The following LRMDA variants were observed in gnomAD, a reference collection of about 807,000 sequenced individuals.
LRMDA encodes the protein leucine-rich melanocyte differentiation-associated protein.
LRMDA carries 18 observed loss-of-function variants against 29.8 expected under a neutral mutation model. The observed-to-expected ratio is 0.60, with a 90% CI of 0.42 to 0.90. The LOEUF is 0.90. Among genes scored for constraint, LRMDA ranks in the 40% least tolerant of loss-of-function variants. The probability of loss-of-function intolerance (pLI) is 0.00; values close to 1 mark genes in which losing one functional copy is unlikely to be tolerated. For missense variants in LRMDA, 273 were observed against 273.9 expected (o/e 1.00, Z 0.02); for synonymous variants, 125 against 109.4 (o/e 1.14, Z -0.89).
intron 2 of LRMDA, among the ~76,000 whole-genome samples, chr10:75,735,877 A>T (rs1182533223): frequency 6.6e-6 from 1 of 152,184 alleles, no homozygotes; most frequent in Non-Finnish European, 1.5e-5. Flanking sequence ...AGAGAGTCAG[A>T]CACACACTGT....
chr10:75,495,495 G>A (rs539524284), intron 2 of LRMDA, among the ~76,000 whole-genome samples: 60 of 152,244 alleles, frequency 3.9e-4, no homozygotes, highest in Admixed American at 3.0e-3. Context: ...AAGGCCTGCC[G>A]TACAGAGGAA....
At chr10:75,811,415 G>A (rs920593012) in intron 2 of LRMDA, among the ~76,000 whole-genome samples, 2 of 151,970 alleles carry the variant, frequency 1.3e-5, no homozygotes, top group Admixed American at 1.3e-4. Context: ...ATAGGATTTT[G>A]ACATTTTAGG....
chr10:75,442,628 C>T (rs1036290231), intron 2 of LRMDA, among the ~76,000 whole-genome samples: 11 of 151,996 alleles, frequency 7.2e-5, no homozygotes, highest in Admixed American at 3.9e-4. Context: ...GTTTTTATGT[C>T]GGTATGTATT....
At chr10:75,984,065 C>T (rs1183778804) in intron 2 of LRMDA, among the ~76,000 whole-genome samples, 1 of 152,182 alleles carries the variant, frequency 6.6e-6, no homozygotes, top group African/African-American at 2.4e-5. Context: ...AGGGAAGGAA[C>T]TAGCCGTGCA....
chr10:75,661,321 A>G (rs528877441), intron 2 of LRMDA, among the ~76,000 whole-genome samples: 19 of 152,320 alleles, frequency 1.2e-4, no homozygotes, highest in African/African-American at 4.6e-4. Context: ...CAGAGAAGAT[A>G]CTATTTCTTG....
At chr10:75,968,775 G>T (rs1445423189) in intron 2 of LRMDA, among the ~76,000 whole-genome samples, 1 of 152,108 alleles carries the variant, frequency 6.6e-6, no homozygotes, top group East Asian at 1.9e-4. Flanking sequence ...TCTTTTGGAG[G>T]GTGAATTAGA....
Position 76,090,765 on chromosome 10 carries a change from A to G in LRMDA, c.516+31982A>G, listed in dbSNP as rs114226233. Among the ~76,000 whole-genome samples the G allele has an allele frequency of 4.2e-3, 637 of 152,332 alleles. 2 individuals carry two copies. The highest frequency in any genetic ancestry group is 0.015 in the African/African-American group (612 of 41,578). ...TTGAAGCCATTGTGCTAAGTGAAAT[A>G]AAACACTCACAAAAAGACAAATATG... On this transcript the variant is annotated intron_variant, in intron 5 of 6. Coordinates refer to ENST00000611255, the MANE Select transcript of LRMDA (RefSeq NM_001305581.2).
At chr10:76,040,502 G>C (rs1484527960) in intron 3 of LRMDA, among the ~76,000 whole-genome samples, 4 of 151,902 alleles carry the variant, frequency 2.6e-5, no homozygotes, top group Non-Finnish European at 5.9e-5. Flanking sequence ...TTCTTTCTTT[G>C]TTTCATTGAG....
intron 2 of LRMDA, among the ~76,000 whole-genome samples, chr10:75,715,063 A>G (rs1842483804): frequency 6.6e-6 from 1 of 152,054 alleles, no homozygotes; most frequent in Non-Finnish European, 1.5e-5. Context: ...CTCATGACTC[A>G]CTACACCTGT....
Position 76,081,882 on chromosome 10 carries a change from T to G in LRMDA, c.516+23099T>G, listed in dbSNP as rs1422885771. The stretch of plus-strand genomic sequence containing the variant: ...CATATATTAAACACTATCCCTTACT[T>G]TGTTGTATAGATTTCTGCTTTGATT... On this transcript the variant is annotated intron_variant, in intron 5 of 6. Coordinates refer to ENST00000611255, the MANE Select transcript of LRMDA (RefSeq NM_001305581.2). 2.6e-5 allele frequency among the ~76,000 whole-genome samples: 4 copies of G among 152,184 alleles called. No homozygotes were observed. In the South Asian group the frequency reaches 8.3e-4, roughly 32 times the overall value.
At chr10:76,027,869 T>C (rs1171411358) in intron 2 of LRMDA, among the ~76,000 whole-genome samples, 3 of 152,200 alleles carry the variant, frequency 2.0e-5, no homozygotes, top group Admixed American at 6.5e-5. Flanking sequence ...GCCTACAATA[T>C]TATTTTTAAT....
intron 2 of LRMDA, among the ~76,000 whole-genome samples, chr10:75,802,335 GCACACACA>G (rs10571839): frequency 1.4e-5 from 2 of 147,044 alleles, no homozygotes; most frequent in African/African-American, 5.1e-5. Context: ...ACACACACGC[GCACACACA>G]CACACACACA....
At chr10:75,741,484 C>T (rs1842829189) in intron 2 of LRMDA, among the ~76,000 whole-genome samples, 1 of 151,930 alleles carries the variant, frequency 6.6e-6, no homozygotes, top group Admixed American at 6.5e-5. Flanking sequence ...CCCAGATAAG[C>T]TCCATGTCTT....
At chr10:76,252,548 T>G (rs1208814649) in intron 5 of LRMDA, among the ~76,000 whole-genome samples, 1 of 152,228 alleles carries the variant, frequency 6.6e-6, no homozygotes, top group Non-Finnish European at 1.5e-5. Flanking sequence ...AAGAGACATA[T>G]TCAAGAGCAA....
At chr10:75,720,549 A>G (rs903416882) in intron 2 of LRMDA, among the ~76,000 whole-genome samples, 1 of 152,200 alleles carries the variant, frequency 6.6e-6, no homozygotes, top group Non-Finnish European at 1.5e-5. Context: ...TAGCGAGCTT[A>G]ACAGAGTAGT....
At chr10:76,250,203 G>A (rs978797391) in intron 5 of LRMDA, among the ~76,000 whole-genome samples, 1 of 152,152 alleles carries the variant, frequency 6.6e-6, no homozygotes, top group African/African-American at 2.4e-5. Flanking sequence ...GAGGGAAGGT[G>A]CACTGATTCC....
intron 5 of LRMDA, among the ~76,000 whole-genome samples, chr10:76,130,356 C>G (rs1250831817): frequency 6.6e-6 from 1 of 152,204 alleles, no homozygotes; most frequent in African/African-American, 2.4e-5. Flanking sequence ...CTGTTACTCT[C>G]AGTTACTCTT....
At chr10:76,463,062 T>C (rs563542456) in intron 6 of LRMDA, among the ~76,000 whole-genome samples, 1 of 152,156 alleles carries the variant, frequency 6.6e-6, no homozygotes, top group Non-Finnish European at 1.5e-5. Flanking sequence ...CCTTGGTTAG[T>C]CTGGTGGCAT....
intron 2 of LRMDA, among the ~76,000 whole-genome samples, chr10:75,859,187 C>A (rs1191729224): frequency 6.6e-6 from 1 of 152,066 alleles, no homozygotes; most frequent in East Asian, 1.9e-4. Context: ...TATTATGGGC[C>A]TTTTGTGCAT....
Sources: gnomAD v4.1 joint callset for allele counts (sites outside exome capture counted in the v4.1 genomes callset) on GRCh38, gnomAD v4.1.1 for gene constraint, MANE v1.5 for transcripts, NCBI Gene and HGNC (gene_info 2026-07-23, HGNC 2026-07-21) for gene names.